The following CAPZB variants were observed in gnomAD, a reference collection of about 807,000 sequenced individuals.
The protein encoded by CAPZB is capping actin protein of muscle Z-line subunit beta, also known as F-actin-capping protein subunit beta.
In CAPZB, 2 loss-of-function variants were observed where a neutral mutation model predicts 38.1. The observed-to-expected ratio is 0.05, with a 90% CI of 0.02 to 0.17. The LOEUF (loss-of-function observed/expected upper bound fraction) is 0.17. Among genes scored for constraint, CAPZB ranks in the 10% least tolerant of loss-of-function variants. CAPZB has a pLI of 1.00. For synonymous variants in CAPZB, 107 were observed against 127.4 expected (o/e 0.84, Z 1.08); for missense variants, 161 against 334.2 (o/e 0.48, Z 4.04).
intron 1 of CAPZB, among the ~76,000 whole-genome samples, chr1:19,427,907 GTTTGT>G: frequency 6.6e-6 from 1 of 152,190 alleles, no homozygotes; most frequent in African/African-American, 2.4e-5. Flanking sequence ...AGGTTTTTTT[GTTTGT>G]TTTGTTTTTT....
At chr1:19,339,656 G>T (rs1215531537) in intron 8 of CAPZB, 39 bp from the exon 9 acceptor site, 1 of 1,480,946 alleles carries the variant, frequency 6.8e-7, no homozygotes, top group Middle Eastern at 1.7e-4. Context: ...GATTGAACAG[G>T]GACTGGTGAG....
At chr1:19,354,742 A>G (rs1336376590) in intron 6 of CAPZB, among the ~76,000 whole-genome samples, 5 of 152,204 alleles carry the variant, frequency 3.3e-5, no homozygotes, top group Non-Finnish European at 5.9e-5. Context: ...TGTCCAGGTC[A>G]CTGTAAACCG....
chr1:19,424,906 G>A (rs990972408), intron 1 of CAPZB, among the ~76,000 whole-genome samples: 2 of 152,234 alleles, frequency 1.3e-5, no homozygotes, highest in Non-Finnish European at 2.9e-5. Flanking sequence ...GCCAGGCCCT[G>A]AATCCGGCCC....
chr1:19,471,555 T>C (rs1483663781), intron 1 of CAPZB, among the ~76,000 whole-genome samples: 1 of 124,646 alleles, frequency 8.0e-6, no homozygotes, highest in Non-Finnish European at 1.8e-5. Context: ...AACCAGTTCT[T>C]GTCTGTTACG....
At chr1:19,375,737 C>T (rs1047198188) in intron 4 of CAPZB, among the ~76,000 whole-genome samples, 3 of 152,192 alleles carry the variant, frequency 2.0e-5, no homozygotes, top group South Asian at 2.1e-4. Context: ...CCAGAGGCAG[C>T]GTGAAGAGTG....
In CAPZB at chr1:19,371,366, A is replaced by C. The variant is rs115863674; in HGVS notation, c.329+7174T>G. 2.3e-3 allele frequency among the ~76,000 whole-genome samples: 349 copies of C among 152,332 alleles called. 2 individuals carry two copies. The highest frequency in any genetic ancestry group is 8.3e-3 in the African/African-American group (345 of 41,574). On this transcript the variant is annotated intron_variant, in intron 4 of 8. Coordinates refer to ENST00000264202, the MANE Select transcript of CAPZB (RefSeq NM_004930.5). ...ATGCACGTACAGATACCTGCTGCAC[A>C]ATTAGAAGAGCCCTGTCACCCAGCA...
chr1:19,386,164 C>T (rs748376445), intron 2 of CAPZB, among the ~76,000 whole-genome samples: 6 of 152,202 alleles, frequency 3.9e-5, no homozygotes, highest in Non-Finnish European at 8.8e-5. Flanking sequence ...AGCTTCACCC[C>T]GGCTCCCCCA....
At chr1:19,381,746 G>A (rs2100440943) in intron 3 of CAPZB, among the ~76,000 whole-genome samples, 1 of 139,048 alleles carries the variant, frequency 7.2e-6, no homozygotes, top group East Asian at 2.1e-4. Flanking sequence ...AGGTTGGAGT[G>A]CAGTGGCATG....
chr1:19,389,032 T>C (rs908857684), intron 2 of CAPZB, among the ~76,000 whole-genome samples: 1 of 152,240 alleles, frequency 6.6e-6, no homozygotes, highest in African/African-American at 2.4e-5. Context: ...GTTTTGGCCA[T>C]ATTTCCATCA....
intron 1 of CAPZB, among the ~76,000 whole-genome samples, chr1:19,478,862 G>C (rs1448831693): frequency 6.6e-6 from 1 of 152,300 alleles, no homozygotes; most frequent in African/African-American, 2.4e-5. Context: ...TAATGAGGGT[G>C]ACATGAGAAT....
chr1:19,391,659 A>T (rs1410487806), intron 2 of CAPZB, among the ~76,000 whole-genome samples: 1 of 152,238 alleles, frequency 6.6e-6, no homozygotes. Flanking sequence ...ACCAACCTCG[A>T]AACCGAACAG....
chr1:19,472,903 G>C (rs926897894), intron 1 of CAPZB, among the ~76,000 whole-genome samples: 2 of 151,812 alleles, frequency 1.3e-5, no homozygotes, highest in Admixed American at 6.6e-5. Flanking sequence ...ACTTTTAGTA[G>C]AGACGGGATT....
At chr1:19,455,334 T>A in intron 1 of CAPZB, among the ~76,000 whole-genome samples, 1 of 151,724 alleles carries the variant, frequency 6.6e-6, no homozygotes, top group East Asian at 1.9e-4. Context: ...AGAGAGAGAG[T>A]CTATTTCCAT....
chr1:19,436,271 G>A (rs963982641), intron 1 of CAPZB, among the ~76,000 whole-genome samples: 4 of 152,092 alleles, frequency 2.6e-5, no homozygotes, highest in African/African-American at 4.8e-5. Flanking sequence ...TTTTTGTCCC[G>A]CGTATCCACA....
At chr1:19,460,545 G>A (rs779491864) in intron 1 of CAPZB, among the ~76,000 whole-genome samples, 1 of 145,218 alleles carries the variant, frequency 6.9e-6, no homozygotes, top group Non-Finnish European at 1.5e-5. Flanking sequence ...AAAGTGCTAG[G>A]ATTACAGGCG....
intron 2 of CAPZB, among the ~76,000 whole-genome samples, chr1:19,410,649 C>A (rs558587673): frequency 1.3e-5 from 2 of 152,322 alleles, no homozygotes; most frequent in South Asian, 2.1e-4. Flanking sequence ...CCAGCAGTGG[C>A]AGGAAGAGAA....
At chr1:19,390,806 C>T (rs957202669) in intron 2 of CAPZB, among the ~76,000 whole-genome samples, 3 of 152,208 alleles carry the variant, frequency 2.0e-5, no homozygotes, top group Non-Finnish European at 2.9e-5. Flanking sequence ...AATAATAATC[C>T]GTGGAAGGAC....
chr1:19,450,144 C>CAAAAAAAAAAAAAAAA (rs71008167), intron 1 of CAPZB, among the ~76,000 whole-genome samples: 3 of 35,456 alleles, frequency 8.5e-5, no homozygotes, highest in East Asian at 8.7e-4. Flanking sequence ...ACCCTGTCTC[C>CAAAAAAAAAAAAAAAA]AAAAAAAAAA....
intron 4 of CAPZB, among the ~76,000 whole-genome samples, chr1:19,374,793 C>T (rs1570022701): frequency 6.6e-6 from 1 of 152,238 alleles, no homozygotes; most frequent in Non-Finnish European, 1.5e-5. Context: ...CAGAATGACC[C>T]TTGCCTGAAC....
Sources: allele counts gnomAD v4.1 joint callset (sites outside exome capture counted in the v4.1 genomes callset), GRCh38; gene constraint gnomAD v4.1.1; transcripts MANE v1.5; gene names NCBI Gene and HGNC (gene_info 2026-07-23, HGNC 2026-07-21).